CNTN6: variants seen among roughly 807,000 people sequenced by gnomAD.
CNTN6 encodes contactin-6.
A neutral mutation model predicts 122.8 loss-of-function variants in CNTN6; 137 were observed. The ratio of observed to expected loss-of-function variants is 1.12; its 90% confidence interval spans 0.97 to 1.29. The LOEUF is 1.29. Among genes scored for constraint, CNTN6 ranks in the 50% most tolerant of loss-of-function variants. CNTN6 has a pLI of 0.00. For missense variants in CNTN6, 1,634 were observed against 1,223.4 expected, an observed-to-expected ratio of 1.34 and a Z score of -5.01; for synonymous variants, 570 against 426.0, an observed-to-expected ratio of 1.34 and a Z score of -4.16.
intron 20 of CNTN6, among the ~76,000 whole-genome samples, chr3:1,388,141 T>A (rs960704455): frequency 2.6e-5 from 4 of 151,882 alleles, no homozygotes; most frequent in African/African-American, 9.7e-5. Flanking sequence ...AGCAGTAACG[T>A]CTGCAGAGTT....
intron 4 of CNTN6, among the ~76,000 whole-genome samples, chr3:1,266,423 C>G (rs2094927240): frequency 6.6e-6 from 1 of 152,112 alleles, no homozygotes; most frequent in Non-Finnish European, 1.5e-5. Context: ...CAAACCGAAA[C>G]CAGTAGGATA....
chr3:1,319,937 G>A (rs1700624790), intron 7 of CNTN6, among the ~76,000 whole-genome samples: 1 of 151,476 alleles, frequency 6.6e-6, no homozygotes, highest in South Asian at 2.1e-4. Flanking sequence ...TACAACATAT[G>A]CATTTTTAAT....
At position 1,206,130 on chromosome 3, in the gene CNTN6, G is replaced by C. The variant is rs1559511707; in HGVS notation, c.56-14557G>C. On this transcript the variant is annotated intron_variant, in intron 2 of 22. Transcript: ENST00000446702. ...TCTGCAATCTTTCCATGTCCATATT[G>C]AAATTTTCGCAAGTTTTCCTGATAT... Among the ~76,000 whole-genome samples, 3 of 152,014 alleles carry C rather than the reference G, an allele frequency of 2.0e-5. No homozygotes were observed. The South Asian group carries it at 6.2e-4, about 32-fold the overall frequency.
intron 5 of CNTN6, among the ~76,000 whole-genome samples, chr3:1,280,055 C>G (rs1382062037): frequency 6.6e-6 from 1 of 152,086 alleles, no homozygotes; most frequent in African/African-American, 2.4e-5. Context: ...TCTAAGATGA[C>G]AAAATATGCA....
At chr3:1,211,308 G>A (rs998905086) in intron 2 of CNTN6, among the ~76,000 whole-genome samples, 1 of 152,144 alleles carries the variant, frequency 6.6e-6, no homozygotes, top group Non-Finnish European at 1.5e-5. Flanking sequence ...GATTCAGGTA[G>A]AACCAAAAAT....
At chr3:1,360,672 TTA>T (rs944236016) in intron 12 of CNTN6, among the ~76,000 whole-genome samples, 31 of 152,036 alleles carry the variant, frequency 2.0e-4, no homozygotes, top group Non-Finnish European at 4.1e-4. Flanking sequence ...TCATCCAGTT[TTA>T]TGTTTCTAAA....
intron 1 of CNTN6, among the ~76,000 whole-genome samples, chr3:1,137,212 G>A (rs539963554): frequency 6.6e-6 from 1 of 152,254 alleles, no homozygotes; most frequent in South Asian, 2.1e-4. Context: ...AGGGAACTAG[G>A]TGTGAGACAA....
intron 20 of CNTN6, among the ~76,000 whole-genome samples, chr3:1,387,108 C>CTATT (rs1451057413): frequency 4.0e-5 from 6 of 151,162 alleles, no homozygotes; most frequent in African/African-American, 1.2e-4. Context: ...ATGTTCTTAT[C>CTATT]TATTTATTAA....
Position 1,372,285 on chromosome 3 carries a change from T to A in CNTN6, c.1493-14T>A. ...ATTTCATAAGCTTTAAAAAATAATT[T>A]TTTTTCTCAACAGAGAGAACTGTCA... On this transcript the variant is annotated splice_polypyrimidine_tract_variant and intron_variant, in intron 12 of 22. Coordinates refer to ENST00000446702, the MANE Select transcript of CNTN6 (RefSeq NM_001289080.2). 1.3e-6 allele frequency: 2 copies of A among 1,581,388 alleles called. No individual in the cohort carries two copies. The highest frequency in any genetic ancestry group is 1.7e-6 in the Non-Finnish European group (2 of 1,167,804).
At chr3:1,185,357 G>C (rs76508891) in intron 2 of CNTN6, among the ~76,000 whole-genome samples, 11,073 of 152,218 alleles carry the variant, frequency 0.073, 501 homozygotes, top group Middle Eastern at 0.11. Context: ...TCTAAAATAT[G>C]TGAAGAGAAA....
chr3:1,392,048 A>G (rs1296474174), intron 20 of CNTN6, among the ~76,000 whole-genome samples: 1 of 152,204 alleles, frequency 6.6e-6, no homozygotes, highest in African/African-American at 2.4e-5. Context: ...AGAATTGGAA[A>G]AAACTACTTT....
chr3:1,118,321 C>G (rs1266862895), intron 1 of CNTN6, among the ~76,000 whole-genome samples: 1 of 152,162 alleles, frequency 6.6e-6, no homozygotes, highest in South Asian at 2.1e-4. Flanking sequence ...TGACTCACAG[C>G]TTTCTAACCT....
chr3:1,384,129 T>TAAAG (rs1692380755), intron 19 of CNTN6, among the ~76,000 whole-genome samples: 2 of 152,336 alleles, frequency 1.3e-5, no homozygotes, highest in Admixed American at 6.5e-5. Flanking sequence ...GAGTAAGCTC[T>TAAAG]AAAGATCTGC....
chr3:1,200,398 CT>C (rs1480813029), intron 2 of CNTN6, among the ~76,000 whole-genome samples: 1 of 152,174 alleles, frequency 6.6e-6, no homozygotes. Context: ...TGGGCTTAGT[CT>C]CACTGTGTAG....
At chr3:1,201,835 A>G (rs1045392272) in intron 2 of CNTN6, among the ~76,000 whole-genome samples, 1 of 152,200 alleles carries the variant, frequency 6.6e-6, no homozygotes, top group African/African-American at 2.4e-5. Context: ...AATAGCATAG[A>G]AATTCCTATG....
chr3:1,311,227 A>G (rs886993421), intron 7 of CNTN6, among the ~76,000 whole-genome samples: 3 of 148,080 alleles, frequency 2.0e-5, no homozygotes, highest in Non-Finnish European at 3.0e-5. Context: ...TTATATGTAC[A>G]TATATGTGTA....
At chr3:1,274,153 CA>C (rs1691888403) in intron 4 of CNTN6, among the ~76,000 whole-genome samples, 1 of 145,790 alleles carries the variant, frequency 6.9e-6, no homozygotes, top group South Asian at 2.3e-4. Flanking sequence ...ACAATGATTT[CA>C]ATATATTAAT....
chr3:1,148,713 TG>T (rs1240923424), intron 2 of CNTN6, among the ~76,000 whole-genome samples: 3 of 152,204 alleles, frequency 2.0e-5, no homozygotes, highest in African/African-American at 7.2e-5. Context: ...CAAATAATCA[TG>T]TATTTAGTTG....
At position 1,128,784 on chromosome 3, in the gene CNTN6, A is replaced by G. The variant is rs146896482; in HGVS notation, c.-82-19143A>G. Among the ~76,000 whole-genome samples the G allele has an allele frequency of 8.4e-3, 1,277 of 152,160 alleles. 14 individuals carry two copies. Among genetic ancestry groups the G allele is most frequent in the African/African-American group, 0.029 (1,212 of 41,546 alleles). ...GTTTGTTTCTAAAGTTTTTAAAAAA[A>G]TGACATTAGAACTTCCAATTTTCTC... On this transcript the variant is annotated intron_variant, in intron 1 of 22. Transcript: ENST00000446702.
Sources: allele counts gnomAD v4.1 joint callset (sites outside exome capture counted in the v4.1 genomes callset), GRCh38; gene constraint gnomAD v4.1.1; transcripts MANE v1.5; gene names NCBI Gene and HGNC (gene_info 2026-07-23, HGNC 2026-07-21).